The following DOCK8 variants were observed in gnomAD, a reference collection of about 807,000 sequenced individuals.
DOCK8 encodes dedicator of cytokinesis protein 8.
In DOCK8, 141 loss-of-function variants were observed where a neutral mutation model predicts 245.6. The observed-to-expected ratio is 0.57, with a 90% CI of 0.50 to 0.66. DOCK8 has a LOEUF of 0.66. Among genes scored for constraint, DOCK8 ranks in the 30% least tolerant of loss-of-function variants. The pLI, the probability that DOCK8 is intolerant of heterozygous loss-of-function variation, is 0.00. For missense variants in DOCK8, 2,965 were observed against 2,603.4 expected, an observed-to-expected ratio of 1.14 and a Z score of -3.02; for synonymous variants, 1,168 against 970.2, an observed-to-expected ratio of 1.20 and a Z score of -3.79.
At chr9:436,191 A>G (rs1048804935) in intron 39 of DOCK8, among the ~76,000 whole-genome samples, 4 of 152,222 alleles carry the variant, frequency 2.6e-5, no homozygotes, top group African/African-American at 9.6e-5. Context: ...CTCCTTTCTT[A>G]TGGTCCTCAA....
At chr9:455,774 ATAAAT>A (rs2057619330) in intron 46 of DOCK8, among the ~76,000 whole-genome samples, 1 of 151,946 alleles carries the variant, frequency 6.6e-6, no homozygotes, top group African/African-American at 2.4e-5. Context: ...CAAAAAATAA[ATAAAT>A]AAATAAATAA....
chr9:282,543 G>A (rs764518532), intron 2 of DOCK8, among the ~76,000 whole-genome samples: 1 of 150,914 alleles, frequency 6.6e-6, no homozygotes, highest in Non-Finnish European at 1.5e-5. Context: ...TCAGCCTTTG[G>A]AGTAGCCAGC....
intron 24 of DOCK8, among the ~76,000 whole-genome samples, chr9:394,393 C>T (rs76737642): frequency 5.3e-5 from 8 of 152,210 alleles, no homozygotes; most frequent in African/African-American, 1.9e-4. Context: ...TTTGCCTGAC[C>T]AATGCCCAGG....
chr9:399,969 T>G (rs923595817), intron 26 of DOCK8, among the ~76,000 whole-genome samples: 1 of 141,240 alleles, frequency 7.1e-6, no homozygotes, highest in Non-Finnish European at 1.5e-5. Flanking sequence ...TATCACCACC[T>G]TCTCCACCAT....
intron 28 of DOCK8, among the ~76,000 whole-genome samples, chr9:411,794 T>G (rs959944911): frequency 5.5e-4 from 83 of 152,144 alleles, no homozygotes; most frequent in Non-Finnish European, 8.7e-4. Context: ...TACCTGAAAA[T>G]CAATTGTTGT....
At chr9:401,070 TCATCAC>T (rs2055067378) in intron 26 of DOCK8, among the ~76,000 whole-genome samples, 1 of 10,412 alleles carries the variant, frequency 9.6e-5, no homozygotes, top group Non-Finnish European at 3.7e-4. Flanking sequence ...ATTGTCACCA[TCATCAC>T]CACCACCACC....
chr9:302,319 C>G (rs1298777592), intron 4 of DOCK8, among the ~76,000 whole-genome samples: 1 of 152,168 alleles, frequency 6.6e-6, no homozygotes, highest in East Asian at 1.9e-4. Flanking sequence ...AAATTGGACC[C>G]CTCCTTTTAA....
chr9:290,867 G>C (rs185733436), intron 4 of DOCK8, among the ~76,000 whole-genome samples: 1 of 152,296 alleles, frequency 6.6e-6, no homozygotes, highest in Admixed American at 6.5e-5. Flanking sequence ...TCCTGGAAGG[G>C]TGCCATTGAG....
At chr9:394,542 C>T (rs1460805236) in intron 24 of DOCK8, among the ~76,000 whole-genome samples, 1 of 152,244 alleles carries the variant, frequency 6.6e-6, no homozygotes, top group Non-Finnish European at 1.5e-5. Flanking sequence ...CGCTAATGAA[C>T]AACCACTTTG....
At chr9:261,996 G>GGAGA (rs2047927837) in intron 1 of DOCK8, among the ~76,000 whole-genome samples, 2 of 47,818 alleles carry the variant, frequency 4.2e-5, no homozygotes, top group Non-Finnish European at 8.6e-5. Flanking sequence ...AAAGAAAGAA[G>GGAGA]GAGAAAGAAA....
At chr9:386,505 A>C in intron 23 of DOCK8, 79 bp downstream of exon 23, 1 of 1,304,160 alleles carries the variant, frequency 7.7e-7, no homozygotes, top group East Asian at 2.4e-5. Context: ...TGTGCTTGGG[A>C]ATAGTCAAAG....
intron 2 of DOCK8, among the ~76,000 whole-genome samples, chr9:285,562 C>T (rs979851658): frequency 6.6e-6 from 1 of 152,118 alleles, no homozygotes; most frequent in Non-Finnish European, 1.5e-5. Flanking sequence ...TCTACTTGAT[C>T]TAAGGGATTC....
chr9:415,892 C>T (rs2055981788), intron 29 of DOCK8, among the ~76,000 whole-genome samples: 1 of 152,172 alleles, frequency 6.6e-6, no homozygotes, highest in South Asian at 2.1e-4. Flanking sequence ...CCCACCTCCT[C>T]CAAATGGAAA....
intron 11 of DOCK8, 112 bp from the exon 12 acceptor site, chr9:336,470 C>T (rs2051316962): frequency 7.1e-7 from 1 of 1,404,674 alleles, no homozygotes; most frequent in Admixed American, 1.7e-5. Context: ...CAAGGATGGC[C>T]ATATTCAGTG....
At chr9:370,337 T>C in intron 16 of DOCK8, 37 bp downstream of exon 16, 1 of 1,587,802 alleles carries the variant, frequency 6.3e-7, no homozygotes, top group Non-Finnish European at 8.7e-7. Flanking sequence ...TATGCCAAGA[T>C]GGTTTCATCA....
chr9:343,589 A>G (rs1402318196), intron 14 of DOCK8, among the ~76,000 whole-genome samples: 2 of 152,178 alleles, frequency 1.3e-5, no homozygotes, highest in Non-Finnish European at 2.9e-5. Context: ...GGAGGTATAC[A>G]CTTATTTCCC....
chr9:399,150 A>G lies in DOCK8; in HGVS notation c.3125A>G (p.Asn1042Ser), dbSNP rs2131414863. The G allele has an allele frequency of 6.2e-7, 1 of 1,613,934 alleles. No homozygotes were observed. The highest frequency in any genetic ancestry group is 1.1e-5 in the South Asian group (1 of 91,078). Residue 1042 changes from asparagine to serine, a missense_variant, in exon 26 of 48, where the codon AAT becomes AGT. This residue lies in a region of DOCK8 where 2,825 missense variants were observed against 2,453.5 expected (regional missense o/e 1.15). Coordinates refer to ENST00000432829, the MANE Select transcript of DOCK8 (RefSeq NM_203447.4). ...GGGTGTTTGTTTGTTTTTAAGGAAAATGAACAGGCGGAAAAGATGAACATC... is the reference window on the plus strand; with the variant it reads ...GGGTGTTTGTTTGTTTTTAAGGAAAGTGAACAGGCGGAAAAGATGAACATC... ...AALLVKPQKE[N>S]EQAEKMNISL...
At chr9:414,742 C>A (rs747625193) in intron 28 of DOCK8, 40 bp from the exon 29 acceptor site, 9 of 1,613,684 alleles carry the variant, frequency 5.6e-6, no homozygotes, top group Non-Finnish European at 6.8e-6. Context: ...AGTCAATTTC[C>A]TTTCACCATA....
intron 44 of DOCK8, among the ~76,000 whole-genome samples, chr9:447,830 C>A (rs577618474): frequency 1.3e-5 from 2 of 152,226 alleles, no homozygotes; most frequent in African/African-American, 4.8e-5. Flanking sequence ...GCTGGGTAAC[C>A]ACATCAGGGT....
Sources: gnomAD v4.1 joint callset for allele counts (sites outside exome capture counted in the v4.1 genomes callset) on GRCh38, gnomAD v4.1.1 for gene constraint, gnomAD v4.1.1 regional missense constraint, MANE v1.5 for transcripts, NCBI Gene and HGNC (gene_info 2026-07-23, HGNC 2026-07-21) for gene names.